The following FSTL5 variants were observed in gnomAD, a reference collection of about 807,000 sequenced individuals.
FSTL5 encodes follistatin like 5.
FSTL5 carries 62 observed loss-of-function variants against 89.1 expected under a neutral mutation model. The ratio of observed to expected loss-of-function variants is 0.70; its 90% CI spans 0.57 to 0.86. The LOEUF (loss-of-function observed/expected upper bound fraction) is 0.86, where lower values mean the gene tolerates loss of function less well. Among genes scored for constraint, FSTL5 ranks in the 40% least tolerant of loss-of-function variants. The pLI, the probability that FSTL5 is intolerant of heterozygous loss-of-function variation, is 0.00. For missense variants in FSTL5, 1,057 were observed against 1,001.6 expected, an observed-to-expected ratio of 1.06 and a Z score of -0.75; for synonymous variants, 383 against 346.2, an observed-to-expected ratio of 1.11 and a Z score of -1.18.
At chr4:161,476,184 T>TTTG (rs1553990010) in intron 13 of FSTL5, among the ~76,000 whole-genome samples, 6 of 106,052 alleles carry the variant, frequency 5.7e-5, no homozygotes, top group African/African-American at 1.4e-4. Context: ...TTTTTTTTTT[T>TTTG]TTTTGTTTGT....
intron 4 of FSTL5, among the ~76,000 whole-genome samples, chr4:161,799,623 C>A (rs1013018384): frequency 5.3e-5 from 8 of 151,504 alleles, no homozygotes; most frequent in Non-Finnish European, 1.2e-4. Context: ...AAAGCAAGAT[C>A]TAATGTATAC....
chr4:161,936,660 GTGCAAAGTCAATAAAT>G (rs1734440875), intron 3 of FSTL5, among the ~76,000 whole-genome samples: 1 of 152,124 alleles, frequency 6.6e-6, no homozygotes, highest in Non-Finnish European at 1.5e-5. Flanking sequence ...TGAAAATTAT[GTGCAAAGTCAATAAAT>G]TGCCAGATCC....
Position 162,154,019 on chromosome 4 carries a change from C to G in FSTL5, c.-17+9596G>C, listed in dbSNP as rs575857292. ...ATGGGGTTTCACTAGGTTGGCCAGG[C>G]TGGTCTTGAACTCCTGATCTCGGGT... On this transcript the variant is annotated intron_variant, in intron 1 of 15. Transcript: ENST00000306100. Among the ~76,000 whole-genome samples, 35 of 151,674 alleles carry G rather than the reference C, an allele frequency of 2.3e-4. 1 individual carries two copies. The highest frequency in any genetic ancestry group is 2.5e-4 in the Non-Finnish European group (17 of 67,912).
intron 6 of FSTL5, among the ~76,000 whole-genome samples, chr4:161,712,255 A>T (rs1382441746): frequency 6.6e-6 from 1 of 152,176 alleles, no homozygotes; most frequent in Non-Finnish European, 1.5e-5. Context: ...ATATGGGTGA[A>T]TTCAATTTTA....
At chr4:161,978,605 T>A (rs568473512) in intron 3 of FSTL5, among the ~76,000 whole-genome samples, 9 of 152,244 alleles carry the variant, frequency 5.9e-5, no homozygotes, top group Non-Finnish European at 1.0e-4. Context: ...ATAACGATGG[T>A]CTTCTACATA....
intron 8 of FSTL5, among the ~76,000 whole-genome samples, chr4:161,573,733 C>CAAAAAAAAAAAAAAAAAAAA (rs70937664): frequency 5.9e-5 from 3 of 50,622 alleles, no homozygotes; most frequent in African/African-American, 1.7e-4. Flanking sequence ...AACTCCAGCT[C>CAAAAAAAAAAAAAAAAAAAA]AAAAAAAAAA....
chr4:161,975,529 C>T (rs1735610317), intron 3 of FSTL5, among the ~76,000 whole-genome samples: 1 of 147,062 alleles, frequency 6.8e-6, no homozygotes, highest in Non-Finnish European at 1.5e-5. Context: ...CGCATATTCT[C>T]ACTCATAGGT....
intron 4 of FSTL5, among the ~76,000 whole-genome samples, chr4:161,843,294 T>C (rs1485341385): frequency 1.3e-5 from 2 of 152,330 alleles, no homozygotes; most frequent in East Asian, 1.9e-4. Flanking sequence ...TTTCTAATTA[T>C]TTGAAGAAAG....
intron 2 of FSTL5, among the ~76,000 whole-genome samples, chr4:162,071,092 G>C (rs182257996): frequency 3.0e-4 from 46 of 151,672 alleles, no homozygotes; most frequent in African/African-American, 9.9e-4. Context: ...GAAACAACCA[G>C]AAAACAATTA....
At chr4:162,000,794 C>T (rs1272505061) in intron 3 of FSTL5, among the ~76,000 whole-genome samples, 1 of 151,944 alleles carries the variant, frequency 6.6e-6, no homozygotes, top group Non-Finnish European at 1.5e-5. Context: ...TAATTATAAA[C>T]TATCTTACAT....
chr4:161,682,402 C>T lies in FSTL5; in HGVS notation c.728-25908G>A, dbSNP rs975902854. On this transcript the variant is annotated intron_variant, in intron 6 of 15. Coordinates refer to ENST00000306100, the MANE Select transcript of FSTL5 (RefSeq NM_020116.5). Reference sequence around the variant, plus strand: ...ATTTTTTAAAACTTTTTACCTCTTTCGTAACAACACAACTTAAAAGACAAA... The same window carrying T: ...ATTTTTTAAAACTTTTTACCTCTTTTGTAACAACACAACTTAAAAGACAAA... Among the ~76,000 whole-genome samples the T allele has an allele frequency of 7.9e-5, 12 of 152,154 alleles. No homozygotes were observed. The South Asian group carries it at 8.3e-4, about 11-fold the overall frequency.
At chr4:161,700,413 C>T (rs1738345980) in intron 6 of FSTL5, among the ~76,000 whole-genome samples, 2 of 151,874 alleles carry the variant, frequency 1.3e-5, no homozygotes, top group Admixed American at 6.6e-5. Flanking sequence ...AATTATATGC[C>T]TACTTGTCAA....
chr4:162,138,095 C>A (rs1732586147), intron 1 of FSTL5, among the ~76,000 whole-genome samples: 1 of 151,950 alleles, frequency 6.6e-6, no homozygotes, highest in South Asian at 2.1e-4. Context: ...AGCTGAAAAG[C>A]AACACCATGA....
rs1363274404 is a variant in FSTL5, at chr4:161,608,798, T to C, written c.895-21223A>G. On this transcript the variant is annotated intron_variant, in intron 7 of 15. Transcript: ENST00000306100. ...TTAAATTTCACATTAAAAAACATATTTGATGACTCCCTAGACTTTTCTCCT... is the reference window on the plus strand; with the variant it reads ...TTAAATTTCACATTAAAAAACATATCTGATGACTCCCTAGACTTTTCTCCT... Among the ~76,000 whole-genome samples, 4 of 152,098 alleles carry C rather than the reference T, an allele frequency of 2.6e-5. No homozygotes were observed. In the East Asian group the frequency reaches 7.7e-4, roughly 29 times the overall value.
At chr4:162,016,854 A>C (rs1209539398) in intron 3 of FSTL5, among the ~76,000 whole-genome samples, 1 of 152,122 alleles carries the variant, frequency 6.6e-6, no homozygotes, top group Non-Finnish European at 1.5e-5. Context: ...CTTAGAGTTA[A>C]AGCTATTTTT....
chr4:161,860,286 T>TCAAACAAACAAA (rs10690156), intron 4 of FSTL5, among the ~76,000 whole-genome samples: 179 of 149,914 alleles, frequency 1.2e-3, no homozygotes, highest in African/African-American at 3.0e-3. Context: ...AGACTCCGTC[T>TCAAACAAACAAA]CAAACAAACA....
chr4:161,710,855 C>T (rs1738753680), intron 6 of FSTL5, among the ~76,000 whole-genome samples: 1 of 152,034 alleles, frequency 6.6e-6, no homozygotes, highest in African/African-American at 2.4e-5. Context: ...TTTCTGAACA[C>T]AAGTGGATTA....
At chr4:161,766,910 TGATAGATA>T (rs34991915) in intron 5 of FSTL5, among the ~76,000 whole-genome samples, 7,051 of 106,684 alleles carry the variant, frequency 0.066, 181 homozygotes, top group Middle Eastern at 0.12. Flanking sequence ...ATAGATCGAT[TGATAGATA>T]GATAGATAGA....
intron 4 of FSTL5, among the ~76,000 whole-genome samples, chr4:161,858,257 C>T (rs1310508750): frequency 2.0e-5 from 3 of 152,158 alleles, no homozygotes; most frequent in South Asian, 4.1e-4. Context: ...TGATCTTGAG[C>T]TTTTCAACCT....
Sources: allele counts gnomAD v4.1 joint callset (sites outside exome capture counted in the v4.1 genomes callset), GRCh38; gene constraint gnomAD v4.1.1; transcripts MANE v1.5; gene names NCBI Gene and HGNC (gene_info 2026-07-23, HGNC 2026-07-21).